Variants in CDC42BPA observed in about 807,000 individuals in gnomAD.
The protein encoded by CDC42BPA is CDC42 binding protein kinase alpha.
CDC42BPA carries 80 observed loss-of-function variants against 223.5 expected under a neutral mutation model. That is an observed-to-expected ratio of 0.36 (90% CI 0.30 to 0.43). CDC42BPA has a LOEUF of 0.43. CDC42BPA is among the 20% of genes least tolerant of loss of function. The pLI is 1.00. For missense variants in CDC42BPA, 1,743 were observed against 2,099.9 expected (o/e 0.83, Z 3.32); for synonymous variants, 694 against 718.6 (o/e 0.97, Z 0.55).
intron 1 of CDC42BPA, 42 bp from the exon 2 acceptor site, chr1:227,254,197 G>T: frequency 9.8e-7 from 1 of 1,020,656 alleles, no homozygotes; most frequent in Non-Finnish European, 1.5e-6. Flanking sequence ...TTAATAAAAT[G>T]TGATGCAAAT....
intron 1 of CDC42BPA, among the ~76,000 whole-genome samples, chr1:227,288,792 C>T (rs971676650): frequency 2.6e-5 from 4 of 151,488 alleles, no homozygotes; most frequent in Admixed American, 6.6e-5. Context: ...GTCAGGAGTT[C>T]GAGACCAGCC....
chr1:227,167,041 A>G (rs1491001796), intron 5 of CDC42BPA, among the ~76,000 whole-genome samples: 1 of 152,166 alleles, frequency 6.6e-6, no homozygotes, highest in South Asian at 2.1e-4. Context: ...GTAGATAAAC[A>G]TCTACCTATT....
At chr1:227,132,285 C>T (rs1657292959) in intron 10 of CDC42BPA, among the ~76,000 whole-genome samples, 1 of 152,184 alleles carries the variant, frequency 6.6e-6, no homozygotes, top group South Asian at 2.1e-4. Flanking sequence ...GGCGCGCCGC[C>T]ACACCTGACT....
chr1:227,119,157 A>G (rs1186232389), intron 12 of CDC42BPA, among the ~76,000 whole-genome samples: 4 of 152,040 alleles, frequency 2.6e-5, no homozygotes, highest in Non-Finnish European at 5.9e-5. Flanking sequence ...ATTAGTCCCA[A>G]CATTTTTCTA....
intron 5 of CDC42BPA, among the ~76,000 whole-genome samples, chr1:227,185,527 A>G (rs1668628938): frequency 6.6e-6 from 1 of 152,156 alleles, no homozygotes. Context: ...CGTGAATGAC[A>G]TGCCTGGTCA....
intron 5 of CDC42BPA, among the ~76,000 whole-genome samples, chr1:227,189,094 A>G (rs912099263): frequency 2.0e-5 from 3 of 152,134 alleles, no homozygotes; most frequent in Non-Finnish European, 4.4e-5. Flanking sequence ...TTTCATTCCT[A>G]TCCCTGTCCA....
At chr1:227,030,280 A>AG in intron 29 of CDC42BPA, 128 bp downstream of exon 29, 1 of 626,230 alleles carries the variant, frequency 1.6e-6, no homozygotes, top group South Asian at 2.0e-5. Context: ...ACGTCAAATT[A>AG]GGTCTGGAAA....
chr1:227,237,847 C>T (rs1679341112), intron 2 of CDC42BPA, among the ~76,000 whole-genome samples: 1 of 151,760 alleles, frequency 6.6e-6, no homozygotes, highest in East Asian at 1.9e-4. Context: ...AGAGACCAGC[C>T]TGACCAACAT....
At chr1:227,310,545 C>T (rs1320383490) in intron 1 of CDC42BPA, among the ~76,000 whole-genome samples, 1 of 151,954 alleles carries the variant, frequency 6.6e-6, no homozygotes, top group Non-Finnish European at 1.5e-5. Context: ...CCATTCCCTA[C>T]GTACTGATTA....
rs184939925 is a variant in CDC42BPA, at chr1:227,121,130, C to A, written c.1514-1193G>T. On this transcript the variant is annotated intron_variant, in intron 11 of 36. Transcript: ENST00000366766. ...AGTTTGTCGCCCGAGAATTGGGGAT[C>A]TCTGCTCTAAGTAACATCCCCAGAC... 4.8e-4 allele frequency among the ~76,000 whole-genome samples: 73 copies of A among 152,278 alleles called. 1 individual carries two copies. The highest frequency in any genetic ancestry group is 1.8e-3 in the African/African-American group (73 of 41,556).
chr1:227,264,860 G>C (rs574310821), intron 1 of CDC42BPA: 10 of 1,532,346 alleles, frequency 6.5e-6, no homozygotes, highest in Non-Finnish European at 9.0e-6. Flanking sequence ...AGGTAAGTCT[G>C]GAACTGGACC....
chr1:227,067,030 G>T (rs1677229762), intron 21 of CDC42BPA, among the ~76,000 whole-genome samples: 1 of 152,160 alleles, frequency 6.6e-6, no homozygotes, highest in African/African-American at 2.4e-5. Context: ...ATAAATAAAA[G>T]ATTTGGCAGC....
intron 1 of CDC42BPA, among the ~76,000 whole-genome samples, chr1:227,285,782 T>G (rs549238846): frequency 2.0e-5 from 3 of 152,328 alleles, no homozygotes; most frequent in South Asian, 4.1e-4. Flanking sequence ...TTCTGAACAA[T>G]TCAAATTATG....
chr1:227,113,778 T>A (rs1687315196), intron 12 of CDC42BPA, among the ~76,000 whole-genome samples: 1 of 151,348 alleles, frequency 6.6e-6, no homozygotes, highest in Admixed American at 6.6e-5. Context: ...TTTGGGAGGC[T>A]GAGGCAGGAG....
chr1:227,026,746 A>C (rs911390027), intron 30 of CDC42BPA, among the ~76,000 whole-genome samples: 11 of 152,122 alleles, frequency 7.2e-5, no homozygotes, highest in African/African-American at 2.7e-4. Flanking sequence ...TCTACATTAG[A>C]ATAATCATAA....
chr1:227,287,882 A>C (rs1384481482), intron 1 of CDC42BPA, among the ~76,000 whole-genome samples: 1 of 152,194 alleles, frequency 6.6e-6, no homozygotes, highest in Non-Finnish European at 1.5e-5. Flanking sequence ...TAGGGCAATG[A>C]GTTTCTCTGG....
chr1:226,994,112 G>C lies in CDC42BPA; in HGVS notation c.*156C>G, dbSNP rs1043535355. ...TGTTAGGCTGGGGGCGTGGATCTGA[G>C]AGTCGTGTCGTCAGAACTCCTGAAT... On this transcript the variant is annotated 3_prime_UTR_variant, in exon 37 of 37. Transcript: ENST00000366766. The surrounding 1 kb of genome is among the most constrained non-coding windows in gnomAD (Gnocchi z 4.0). 50 of 603,542 alleles carry C rather than the reference G, an allele frequency of 8.3e-5. No individual in the cohort carries two copies. The African/African-American group carries it at 8.7e-4, about 11-fold the overall frequency. The allele number at this position is 603,542 out of a possible 1,614,324, so 37.4% of individuals were successfully genotyped here.
intron 1 of CDC42BPA, among the ~76,000 whole-genome samples, chr1:227,288,705 A>AT (rs1046011929): frequency 2.0e-5 from 3 of 151,998 alleles, no homozygotes; most frequent in Non-Finnish European, 4.4e-5. Flanking sequence ...CAAAAAAAAA[A>AT]TTTTTAAGGC....
At chr1:227,246,534 C>T (rs1399000989) in intron 2 of CDC42BPA, among the ~76,000 whole-genome samples, 1 of 152,114 alleles carries the variant, frequency 6.6e-6, no homozygotes, top group Non-Finnish European at 1.5e-5. Context: ...GAAAGAAAGA[C>T]CCAATATGTT....
Sources: allele counts gnomAD v4.1 joint callset (sites outside exome capture counted in the v4.1 genomes callset), GRCh38; gene constraint gnomAD v4.1.1; non-coding constraint Gnocchi (gnomAD v3.1); transcripts MANE v1.5; gene names NCBI Gene and HGNC (gene_info 2026-07-23, HGNC 2026-07-21).